Variants in NKAIN2 observed in about 807,000 individuals in gnomAD.
NKAIN2 encodes the protein sodium/potassium transporting ATPase interacting 2.
A neutral mutation model predicts 32.6 loss-of-function variants in NKAIN2; 14 were observed. That is an observed-to-expected ratio of 0.43 (90% CI 0.28 to 0.67). The LOEUF is 0.67. Ranked by LOEUF, NKAIN2 falls within the 30% of genes least tolerant of loss-of-function variation. NKAIN2 has a pLI of 0.17. For synonymous variants in NKAIN2, 80 were observed against 87.2 expected (o/e 0.92, Z 0.46); for missense variants, 198 against 258.3 (o/e 0.77, Z 1.60).
intron 1 of NKAIN2, among the ~76,000 whole-genome samples, chr6:123,812,042 C>T (rs2092812338): frequency 6.6e-6 from 1 of 151,970 alleles, no homozygotes; most frequent in Admixed American, 6.6e-5. Flanking sequence ...ACTCTTATGC[C>T]CCCCACCGCC....
intron 2 of NKAIN2, among the ~76,000 whole-genome samples, chr6:124,290,509 AATGTGT>A (rs1795752477): frequency 9.1e-6 from 1 of 109,810 alleles, no homozygotes; most frequent in African/African-American, 3.9e-5. Flanking sequence ...TTACCTCAGA[AATGTGT>A]GTGTGTGTGT....
chr6:124,285,114 A>T (rs185044637), intron 2 of NKAIN2, among the ~76,000 whole-genome samples: 2 of 152,296 alleles, frequency 1.3e-5, no homozygotes, highest in African/African-American at 4.8e-5. Context: ...GGTCTTAACA[A>T]TGAATTTCAG....
chr6:124,406,807 A>C (rs977958460), intron 3 of NKAIN2, among the ~76,000 whole-genome samples: 54 of 152,218 alleles, frequency 3.5e-4, no homozygotes, highest in African/African-American at 1.2e-3. Context: ...GGTTTTAATA[A>C]GTGTTTTCAT....
At chr6:124,328,906 A>G (rs1797534527) in intron 2 of NKAIN2, among the ~76,000 whole-genome samples, 1 of 152,210 alleles carries the variant, frequency 6.6e-6, no homozygotes, top group Non-Finnish European at 1.5e-5. Context: ...TCTTTTGTCC[A>G]TAATTTACAC....
chr6:124,326,160 G>A (rs138153072), intron 2 of NKAIN2, among the ~76,000 whole-genome samples: 18 of 136,006 alleles, frequency 1.3e-4, no homozygotes, highest in South Asian at 2.3e-4. Context: ...TTTTTTTTTC[G>A]TCTAACCATC....
intron 3 of NKAIN2, among the ~76,000 whole-genome samples, chr6:124,591,803 G>A (rs111571367): frequency 1.3e-5 from 2 of 152,186 alleles, no homozygotes; most frequent in Non-Finnish European, 2.9e-5. Flanking sequence ...AAAAGGAAAC[G>A]TGGTTATAGT....
intron 2 of NKAIN2, among the ~76,000 whole-genome samples, chr6:124,301,121 T>C (rs1343920818): frequency 6.6e-6 from 1 of 152,082 alleles, no homozygotes; most frequent in Non-Finnish European, 1.5e-5. Flanking sequence ...GCCCCTCTCC[T>C]GTGTGCCACC....
chr6:123,980,479 A>G lies in NKAIN2; in HGVS notation c.54+176225A>G, dbSNP rs1348376449. On this transcript the variant is annotated intron_variant, in intron 1 of 6. Coordinates refer to ENST00000368417, the MANE Select transcript of NKAIN2 (RefSeq NM_001040214.3). ...CAGGGTTAGTGAGGTAGAGGTTTAA[A>G]ACCTAAGTGTTGCTGAAACGTCGTC... 2.6e-5 allele frequency among the ~76,000 whole-genome samples: 4 copies of G among 152,184 alleles called. No homozygotes were observed. In the East Asian group the frequency reaches 7.7e-4, roughly 29 times the overall value.
chr6:123,850,355 A>AAAATAT (rs1262534272), intron 1 of NKAIN2, among the ~76,000 whole-genome samples: 17 of 133,496 alleles, frequency 1.3e-4, no homozygotes, highest in African/African-American at 5.0e-4. Flanking sequence ...AAAAAAAAAA[A>AAAATAT]ATATATATAT....
At chr6:123,967,726 CATAG>C (rs1316815695) in intron 1 of NKAIN2, among the ~76,000 whole-genome samples, 1 of 152,082 alleles carries the variant, frequency 6.6e-6, no homozygotes, top group African/African-American at 2.4e-5. Context: ...CTCACAACTA[CATAG>C]ATATAGTATA....
intron 1 of NKAIN2, among the ~76,000 whole-genome samples, chr6:123,844,719 C>T (rs920398012): frequency 1.3e-5 from 2 of 152,170 alleles, no homozygotes; most frequent in African/African-American, 4.8e-5. Flanking sequence ...GTTTATCTTA[C>T]CATCTGATTT....
chr6:123,906,847 GT>G (rs1774900469), intron 1 of NKAIN2, among the ~76,000 whole-genome samples: 1 of 152,272 alleles, frequency 6.6e-6, no homozygotes, highest in South Asian at 2.1e-4. Flanking sequence ...ATTGGATGAT[GT>G]ATTATTACTC....
intron 1 of NKAIN2, among the ~76,000 whole-genome samples, chr6:123,939,934 A>G (rs554805491): frequency 1.3e-5 from 2 of 152,118 alleles, no homozygotes; most frequent in East Asian, 3.9e-4. Flanking sequence ...GCAAGAAGAA[A>G]CCTGGAGCCT....
At chr6:124,476,963 C>A (rs1222891411) in intron 3 of NKAIN2, among the ~76,000 whole-genome samples, 1 of 152,174 alleles carries the variant, frequency 6.6e-6, no homozygotes, top group Non-Finnish European at 1.5e-5. Flanking sequence ...CTGCCTTAAT[C>A]AAAGTGTCAC....
At chr6:124,709,898 T>C (rs1193243897) in intron 4 of NKAIN2, among the ~76,000 whole-genome samples, 1 of 152,084 alleles carries the variant, frequency 6.6e-6, no homozygotes, top group African/African-American at 2.4e-5. Context: ...GCTCTTGCTT[T>C]TCTAATTCTT....
At chr6:124,191,301 A>C (rs930898018) in intron 1 of NKAIN2, among the ~76,000 whole-genome samples, 2 of 152,012 alleles carry the variant, frequency 1.3e-5, no homozygotes, top group Non-Finnish European at 2.9e-5. Context: ...AATGTTTTGT[A>C]GTTTCTGTGT....
chr6:123,825,503 A>T (rs548354885), intron 1 of NKAIN2, among the ~76,000 whole-genome samples: 9 of 152,228 alleles, frequency 5.9e-5, no homozygotes, highest in African/African-American at 2.2e-4. Flanking sequence ...TCCTGAAAGG[A>T]TGCTACCTCA....
At chr6:124,743,155 GC>G (rs573389985) in intron 4 of NKAIN2, among the ~76,000 whole-genome samples, 1 of 151,796 alleles carries the variant, frequency 6.6e-6, no homozygotes, top group Non-Finnish European at 1.5e-5. Flanking sequence ...CTGTATCTCT[GC>G]CCCTCGCTTG....
intron 2 of NKAIN2, among the ~76,000 whole-genome samples, chr6:124,293,355 T>A (rs1795904033): frequency 6.6e-6 from 1 of 152,070 alleles, no homozygotes; most frequent in Admixed American, 6.6e-5. Context: ...TTACTATTTT[T>A]AATTACTTTT....
Sources: allele counts gnomAD v4.1 joint callset (sites outside exome capture counted in the v4.1 genomes callset), GRCh38; gene constraint gnomAD v4.1.1; transcripts MANE v1.5; gene names NCBI Gene and HGNC (gene_info 2026-07-23, HGNC 2026-07-21).